BTBD9: variants seen among roughly 807,000 people sequenced by gnomAD.
The protein encoded by BTBD9 is BTB/POZ domain-containing protein 9.
A neutral mutation model predicts 64.3 loss-of-function variants in BTBD9; 49 were observed. The ratio of observed to expected loss-of-function variants is 0.76; its 90% CI spans 0.61 to 0.97. The LOEUF is 0.97. BTBD9 is among the 50% of genes least tolerant of loss of function. The pLI, the probability that BTBD9 is intolerant of heterozygous loss-of-function variation, is 0.00. For missense variants in BTBD9, 598 were observed against 762.1 expected, an observed-to-expected ratio of 0.78 and a Z score of 2.53; for synonymous variants, 260 against 274.7, an observed-to-expected ratio of 0.95 and a Z score of 0.53.
In BTBD9 at chr6:38,179,175, T is replaced by A. The variant is rs184078159; in HGVS notation, c.1642-3993A>T. On this transcript the variant is annotated intron_variant, in intron 10 of 10. Coordinates refer to ENST00000481247, the MANE Select transcript of BTBD9 (RefSeq NM_001099272.2). The stretch of plus-strand genomic sequence containing the variant: ...CTACGAGACTCTTTAAAAACTAATA[T>A]TTCTTAAACTAAAAAAGTTATTTAA... Among the ~76,000 whole-genome samples, 24 of 152,296 alleles carry A rather than the reference T, an allele frequency of 1.6e-4. No individual in the cohort carries two copies. The East Asian group carries it at 4.4e-3, about 28-fold the overall frequency.
chr6:38,506,712 C>T (rs904746832), intron 6 of BTBD9, among the ~76,000 whole-genome samples: 1 of 152,214 alleles, frequency 6.6e-6, no homozygotes, highest in Non-Finnish European at 1.5e-5. Context: ...GACCCCTCTG[C>T]TTCTGTTCTT....
At chr6:38,608,333 C>A (rs554522282) in intron 1 of BTBD9, among the ~76,000 whole-genome samples, 1 of 152,080 alleles carries the variant, frequency 6.6e-6, no homozygotes, top group Non-Finnish European at 1.5e-5. Flanking sequence ...AATATATGCA[C>A]CTAGAGCCAA....
In BTBD9 at chr6:38,580,235, C is replaced by A. The variant is rs766354376; in HGVS notation, c.1017G>T (p.Leu339Phe). ...TCACTTACCGGCTATCTCGGTCCCA[C>A]AAGAGTATCCGTATGTGATTGATAA... ...PSIINHIRIL[L>F]WDRDSRSYSY... Residue 339 changes from leucine to phenylalanine, a missense_variant, in exon 5 of 11, where the codon TTG becomes TTT. Leu to Phe is a conservative substitution (Grantham distance 22). Coordinates refer to ENST00000481247, the MANE Select transcript of BTBD9 (RefSeq NM_001099272.2). The A allele has an allele frequency of 6.2e-7, 1 of 1,614,098 alleles. No individual in the cohort carries two copies. The highest frequency in any genetic ancestry group is 1.7e-5 in the Admixed American group (1 of 60,034).
intron 6 of BTBD9, among the ~76,000 whole-genome samples, chr6:38,375,066 C>T (rs914773436): frequency 6.6e-6 from 1 of 152,174 alleles, no homozygotes; most frequent in Non-Finnish European, 1.5e-5. Flanking sequence ...CTATGGAATT[C>T]TAAGTCCCTT....
chr6:38,552,165 T>C (rs533546704), intron 6 of BTBD9, among the ~76,000 whole-genome samples: 1 of 152,320 alleles, frequency 6.6e-6, no homozygotes, highest in East Asian at 1.9e-4. Flanking sequence ...AGGATCAAGA[T>C]GCAATTAAGG....
chr6:38,569,657 A>G (rs902779476), intron 6 of BTBD9, among the ~76,000 whole-genome samples: 3 of 152,188 alleles, frequency 2.0e-5, no homozygotes, highest in Non-Finnish European at 2.9e-5. Context: ...TTCTCACACA[A>G]AAGAAGCTCA....
chr6:38,432,837 C>T (rs1768505558), intron 6 of BTBD9, among the ~76,000 whole-genome samples: 1 of 151,926 alleles, frequency 6.6e-6, no homozygotes, highest in South Asian at 2.1e-4. Flanking sequence ...CCTTGAAAAA[C>T]CTTAACTTCT....
intron 6 of BTBD9, among the ~76,000 whole-genome samples, chr6:38,422,423 T>C (rs1767943630): frequency 6.6e-6 from 1 of 152,182 alleles, no homozygotes; most frequent in Non-Finnish European, 1.5e-5. Flanking sequence ...TAAATTCCAC[T>C]AAAAACAGTT....
chr6:38,233,061 A>C (rs1204160946), intron 9 of BTBD9, among the ~76,000 whole-genome samples: 1 of 152,142 alleles, frequency 6.6e-6, no homozygotes, highest in Non-Finnish European at 1.5e-5. Context: ...GGAGGGCTCA[A>C]GTGTTTGATC....
At chr6:38,616,516 G>T (rs74828216) in intron 1 of BTBD9, among the ~76,000 whole-genome samples, 1 of 152,134 alleles carries the variant, frequency 6.6e-6, no homozygotes, top group Non-Finnish European at 1.5e-5. Flanking sequence ...TACTCGGAAA[G>T]TTGAGGTGGG....
At chr6:38,613,413 G>A (rs1400286616) in intron 1 of BTBD9, among the ~76,000 whole-genome samples, 1 of 152,166 alleles carries the variant, frequency 6.6e-6, no homozygotes, top group Non-Finnish European at 1.5e-5. Flanking sequence ...CCTGAGGTCA[G>A]GAATTTGAGA....
intron 7 of BTBD9, among the ~76,000 whole-genome samples, chr6:38,340,006 A>G (rs1011513349): frequency 2.0e-5 from 3 of 152,184 alleles, no homozygotes; most frequent in African/African-American, 7.2e-5. Flanking sequence ...TGTATTGGGG[A>G]TAGAGCAAAT....
chr6:38,372,956 T>C (rs532996055), intron 6 of BTBD9, among the ~76,000 whole-genome samples: 3 of 152,326 alleles, frequency 2.0e-5, no homozygotes, highest in East Asian at 1.9e-4. Flanking sequence ...TTTCTCTGTA[T>C]GTCCTGCAAG....
At chr6:38,465,372 C>A (rs1428039910) in intron 6 of BTBD9, among the ~76,000 whole-genome samples, 1 of 150,048 alleles carries the variant, frequency 6.7e-6, no homozygotes, top group Non-Finnish European at 1.5e-5. Flanking sequence ...AATCCCAGCA[C>A]TTTGGGAGGC....
chr6:38,186,558 G>T (rs997602534), intron 10 of BTBD9, among the ~76,000 whole-genome samples: 10 of 152,164 alleles, frequency 6.6e-5, no homozygotes, highest in Admixed American at 5.9e-4. Flanking sequence ...CTGACTGGGA[G>T]AGGGAGAGAT....
At chr6:38,445,986 T>A (rs1251047802) in intron 6 of BTBD9, among the ~76,000 whole-genome samples, 2 of 151,910 alleles carry the variant, frequency 1.3e-5, no homozygotes, top group Non-Finnish European at 2.9e-5. Flanking sequence ...GTTGAAAGAG[T>A]ATATTAAATG....
At chr6:38,229,432 A>G (rs903881788) in intron 9 of BTBD9, among the ~76,000 whole-genome samples, 8 of 152,132 alleles carry the variant, frequency 5.3e-5, no homozygotes, top group Non-Finnish European at 1.0e-4. Flanking sequence ...AGCCCCTTTG[A>G]TGGTTTACCT....
At chr6:38,307,393 T>G (rs1300300635) in intron 7 of BTBD9, among the ~76,000 whole-genome samples, 1 of 152,184 alleles carries the variant, frequency 6.6e-6, no homozygotes, top group Non-Finnish European at 1.5e-5. Context: ...CAATCATATA[T>G]TACATCACCA....
chr6:38,437,846 T>G (rs966834205), intron 6 of BTBD9, among the ~76,000 whole-genome samples: 1 of 152,028 alleles, frequency 6.6e-6, no homozygotes, highest in African/African-American at 2.4e-5. Flanking sequence ...GGTCAAGTCT[T>G]TTTTCTGGGT....
Sources: allele counts gnomAD v4.1 joint callset (sites outside exome capture counted in the v4.1 genomes callset), GRCh38; gene constraint gnomAD v4.1.1; transcripts MANE v1.5; gene names NCBI Gene and HGNC (gene_info 2026-07-23, HGNC 2026-07-21).